The following TMEM272 variants were observed in gnomAD, a reference collection of about 807,000 sequenced individuals.
TMEM272 encodes the protein long intergenic non-protein coding RNA 282.
A neutral mutation model predicts 3.7 loss-of-function variants in TMEM272; 8 were observed. The ratio of observed to expected loss-of-function variants is 2.17; its 90% CI spans 1.27 to 3.91. The LOEUF (loss-of-function observed/expected upper bound fraction) is 3.91. Ranked by LOEUF, TMEM272 falls within the 30% of genes most tolerant of loss-of-function variation. The pLI is 0.00. For missense variants in TMEM272, 166 were observed against 91.5 expected (o/e 1.81, Z -3.32); for synonymous variants, 63 against 39.8 (o/e 1.58, Z -2.20).
the TMEM272 span, among the ~76,000 whole-genome samples, chr13:51,875,828 C>T: frequency 6.6e-6 from 1 of 152,190 alleles, no homozygotes; most frequent in East Asian, 1.9e-4. Context: ...CTGAAGGCCT[C>T]CAGGTATGAG....
chr13:51,856,591 A>G, the TMEM272 span, among the ~76,000 whole-genome samples: 1 of 152,102 alleles, frequency 6.6e-6, no homozygotes, highest in East Asian at 1.9e-4. Flanking sequence ...AGCAAGATGG[A>G]GTCAACTATG....
chr13:51,910,427 C>T, the TMEM272 span: 11 of 948,918 alleles, frequency 1.2e-5, no homozygotes, highest in South Asian at 2.6e-5. Context: ...GACTCCTAAC[C>T]GATCTAAAAC....
the TMEM272 span, among the ~76,000 whole-genome samples, chr13:51,913,415 T>C: frequency 1.3e-5 from 2 of 152,190 alleles, no homozygotes; most frequent in Non-Finnish European, 2.9e-5. Context: ...TGCAGCAGAA[T>C]GAACCTCTTG....
At chr13:51,830,486 T>C (rs1048244330) in intron 2 of TMEM272, among the ~76,000 whole-genome samples, 9 of 152,208 alleles carry the variant, frequency 5.9e-5, no homozygotes, top group African/African-American at 1.9e-4. Flanking sequence ...ATTGCAAACA[T>C]GGGCACGATT....
the TMEM272 span, chr13:51,934,231 G>C: frequency 4.6e-6 from 1 of 216,814 alleles, no homozygotes; most frequent in Non-Finnish European, 9.4e-6. Flanking sequence ...GGAGAGAAAA[G>C]GAACAGACTA....
At chr13:51,863,760 T>C in the TMEM272 span, among the ~76,000 whole-genome samples, 1 of 151,438 alleles carries the variant, frequency 6.6e-6, no homozygotes, top group African/African-American at 2.4e-5. Flanking sequence ...AAACCAGAAA[T>C]GGAAAAATAC....
the TMEM272 span, among the ~76,000 whole-genome samples, chr13:51,869,823 A>G: frequency 1.3e-5 from 2 of 152,172 alleles, no homozygotes; most frequent in African/African-American, 4.8e-5. Context: ...TTCCCATGTA[A>G]TAAAGCTCTG....
chr13:51,926,683 G>A, the TMEM272 span, among the ~76,000 whole-genome samples: 4 of 151,588 alleles, frequency 2.6e-5, no homozygotes, highest in African/African-American at 7.3e-5. Context: ...GCACGCACAC[G>A]CACAGTGGGT....
the TMEM272 span, chr13:51,908,623 G>T: frequency 2.0e-6 from 3 of 1,487,522 alleles, no homozygotes; most frequent in Non-Finnish European, 2.8e-6. Context: ...AAATTACCAA[G>T]ATTATCTTTG....
chr13:51,835,471 G>A (rs1463598298), intron 2 of TMEM272, among the ~76,000 whole-genome samples: 1 of 152,084 alleles, frequency 6.6e-6, no homozygotes, highest in Admixed American at 6.6e-5. Flanking sequence ...TGATCTGCTC[G>A]CCTCGGTCTC....
the TMEM272 span, among the ~76,000 whole-genome samples, chr13:51,930,272 T>C: frequency 1.3e-5 from 2 of 152,246 alleles, no homozygotes; most frequent in Non-Finnish European, 2.9e-5. Context: ...TCTTAGCCCT[T>C]AGATGGTTTT....
At chr13:51,855,152 A>G in the TMEM272 span, among the ~76,000 whole-genome samples, 1 of 152,358 alleles carries the variant, frequency 6.6e-6, no homozygotes, top group Admixed American at 6.5e-5. Context: ...CAATGTAAAG[A>G]GGTCTAAGGG....
chr13:51,840,860 C>T (rs1379095462), intron 1 of TMEM272, among the ~76,000 whole-genome samples: 1 of 152,230 alleles, frequency 6.6e-6, no homozygotes, highest in African/African-American at 2.4e-5. Flanking sequence ...CCTGAGGAAA[C>T]CACAGCCTCC....
At chr13:51,909,409 G>A in the TMEM272 span, 28,790 of 870,226 alleles carry the variant, frequency 0.033, 683 homozygotes, top group South Asian at 0.043. Context: ...TTCTCTAACC[G>A]GTTATTTTCC....
chr13:51,840,473 GT>G (rs1234130546), intron 1 of TMEM272, among the ~76,000 whole-genome samples: 1 of 152,230 alleles, frequency 6.6e-6, no homozygotes, highest in Non-Finnish European at 1.5e-5. Flanking sequence ...CCTACTCTCT[GT>G]TAACCAGAAC....
At chr13:51,825,542 C>T (rs1956117133) in intron 3 of TMEM272, among the ~76,000 whole-genome samples, 1 of 152,034 alleles carries the variant, frequency 6.6e-6, no homozygotes, top group South Asian at 2.1e-4. Context: ...TGTTTTGCAA[C>T]AACTCCTATG....
upstream of TMEM272, among the ~76,000 whole-genome samples, chr13:51,845,395 T>G (rs1405608265): frequency 6.6e-6 from 1 of 152,064 alleles, no homozygotes; most frequent in African/African-American, 2.4e-5. Context: ...CCTAGGGACT[T>G]AGTTCTGGTG....
the TMEM272 span, among the ~76,000 whole-genome samples, chr13:51,899,045 T>G: frequency 6.6e-6 from 1 of 152,184 alleles, no homozygotes; most frequent in Admixed American, 6.5e-5. Context: ...ACTTATTAAT[T>G]CATTTAGTAA....
the TMEM272 span, chr13:51,908,317 G>A: frequency 7.7e-6 from 10 of 1,294,266 alleles, 1 homozygote; most frequent in Admixed American, 1.0e-4. Flanking sequence ...GGGTGGGGGT[G>A]GGGGCAAAAT....
Sources: gnomAD v4.1 joint callset for allele counts (sites outside exome capture counted in the v4.1 genomes callset) on GRCh38, gnomAD v4.1.1 for gene constraint, MANE v1.5 for transcripts, NCBI Gene and HGNC (gene_info 2026-07-23, HGNC 2026-07-21) for gene names.